The following PODXL variants were observed in gnomAD, a reference collection of about 807,000 sequenced individuals.
PODXL encodes the protein podocalyxin like, also known as podocalyxin.
PODXL carries 20 observed loss-of-function variants against 48.9 expected under a neutral mutation model. The observed-to-expected ratio is 0.41, with a 90% CI of 0.29 to 0.59. The LOEUF (loss-of-function observed/expected upper bound fraction) is 0.59. Ranked by LOEUF, PODXL falls within the 20% of genes least tolerant of loss-of-function variation. The pLI, the probability that PODXL is intolerant of heterozygous loss-of-function variation, is 0.31. For missense variants in PODXL, 606 were observed against 675.1 expected, an observed-to-expected ratio of 0.90 and a Z score of 1.13; for synonymous variants, 295 against 287.4, an observed-to-expected ratio of 1.03 and a Z score of -0.27.
intron 1 of PODXL, among the ~76,000 whole-genome samples, chr7:131,534,064 T>C (rs1798327306): frequency 7.2e-6 from 1 of 139,734 alleles, no homozygotes; most frequent in African/African-American, 2.6e-5. Context: ...CACCTCCCCT[T>C]ACCCGTTAGA....
At chr7:131,527,235 C>A (rs1798202855) in intron 1 of PODXL, among the ~76,000 whole-genome samples, 1 of 152,262 alleles carries the variant, frequency 6.6e-6, no homozygotes, top group Admixed American at 6.5e-5. Flanking sequence ...ATAGCATATT[C>A]TTCTAGAATG....
chr7:131,515,967 C>T (rs12540046), intron 1 of PODXL, among the ~76,000 whole-genome samples: 7,961 of 152,230 alleles, frequency 0.052, 303 homozygotes, highest in Non-Finnish European at 0.074. Context: ...TAGGAGAAGG[C>T]TCACACACTA....
rs748939842 is a variant in PODXL at position 131,556,355 on chromosome 7, C to A, written c.5G>T (p.Arg2Leu). M[R>L]CALALSALLL... The stretch of plus-strand genomic sequence containing the variant: ...CAGCGCCGAGAGCGCCAGCGCGCAG[C>A]GCATCGTGTCGTCGCCTCTGGGCCG... Residue 2 changes from arginine to leucine, a missense_variant, in exon 1 of 9, where the codon CGC becomes CTC. Arg to Leu is a moderately radical substitution (Grantham distance 102, BLOSUM62 -2). Transcript: ENST00000378555. 4.2e-6 allele frequency: 6 copies of A among 1,427,410 alleles called. No individual in the cohort carries two copies. Among genetic ancestry groups the A allele is most frequent in the Non-Finnish European group, 5.5e-6 (6 of 1,091,238 alleles). 88.4% of individuals were successfully genotyped at this position (1,427,410 alleles called of 1,614,324 possible). A position where few individuals can be genotyped will look rare whatever the true frequency, so the allele number is the denominator to read the frequency against.
rs139612338 is a variant in PODXL, at chr7:131,534,419, C to T, written c.100+21841G>A. ...CCTCAAGTTCTACCCTGATAATGAC[C>T]CCGCACCCCATCCTGGCGGGGCAAG... On this transcript the variant is annotated intron_variant, in intron 1 of 8. Transcript: ENST00000378555. Among the ~76,000 whole-genome samples, 636 of 152,312 alleles carry T rather than the reference C, an allele frequency of 4.2e-3. 3 individuals carry two copies. The highest frequency in any genetic ancestry group is 7.3e-3 in the Non-Finnish European group (499 of 68,026).
chr7:131,524,379 C>CAGAGAGAGAGAGAGAGAGAG (rs58163575), intron 1 of PODXL, among the ~76,000 whole-genome samples: 3,892 of 103,762 alleles, frequency 0.038, 192 homozygotes, highest in Admixed American at 0.057. Flanking sequence ...CACACACACA[C>CAGAGAGAGAGAGAGAGAGAG]AGAGAGAGAG....
intron 1 of PODXL, among the ~76,000 whole-genome samples, chr7:131,538,785 T>C (rs1215854750): frequency 1.3e-5 from 2 of 152,040 alleles, no homozygotes; most frequent in Non-Finnish European, 2.9e-5. Flanking sequence ...AAGAGAGGCG[T>C]CCCCATGCCG....
chr7:131,544,641 ACG>A lies in PODXL; in HGVS notation c.100+11617_100+11618del, dbSNP rs1798537830. 4.1e-4 allele frequency among the ~76,000 whole-genome samples: 7 copies of A among 16,968 alleles called. No individual in the cohort carries two copies. The Non-Finnish European group carries it at 4.5e-3, about 11-fold the overall frequency. 11.1% of individuals were successfully genotyped at this position (16,968 alleles called of 152,430 possible). A position where few individuals can be genotyped will look rare whatever the true frequency, so the allele number is the denominator to read the frequency against. The stretch of plus-strand genomic sequence containing the variant: ...GGGGAGGGAGCAGCAGGGCCTCCGC[ACG>A]CACGCCCTGTACTACGCACGCACGC... On this transcript the variant is annotated intron_variant, in intron 1 of 8. Transcript: ENST00000378555.
chr7:131,531,095 C>T (rs1798273831), intron 1 of PODXL, among the ~76,000 whole-genome samples: 1 of 152,120 alleles, frequency 6.6e-6, no homozygotes, highest in African/African-American at 2.4e-5. Context: ...AATTCCCTGC[C>T]CCAGCGGTCT....
At chr7:131,505,796 G>C in intron 8 of PODXL, 72 bp downstream of exon 8, 1 of 1,410,012 alleles carries the variant, frequency 7.1e-7, no homozygotes, top group South Asian at 1.4e-5. Flanking sequence ...TCTGCAACTC[G>C]GGAATCACGA....
At chr7:131,533,993 G>C (rs1021917189) in intron 1 of PODXL, among the ~76,000 whole-genome samples, 1 of 152,108 alleles carries the variant, frequency 6.6e-6, no homozygotes, top group African/African-American at 2.4e-5. Flanking sequence ...GAAAGTGCCC[G>C]ATCTATGGCA....
At chr7:131,532,830 G>A (rs1049896106) in intron 1 of PODXL, among the ~76,000 whole-genome samples, 4 of 152,154 alleles carry the variant, frequency 2.6e-5, no homozygotes, top group Admixed American at 6.5e-5. Flanking sequence ...CTTTTAGGAA[G>A]AGGAAGAGAC....
rs755032618 is a variant in PODXL at position 131,510,779 on chromosome 7, T to C, written c.706+49A>G. ...TGAGCCTTTTCAGAGCCATCACGCC[T>C]GGCCCTGAAAAGTTTCTTGGTGCTT... On this transcript the variant is annotated intron_variant, in intron 2 of 8. Coordinates refer to ENST00000378555, the MANE Select transcript of PODXL (RefSeq NM_001018111.3). The C allele has an allele frequency of 3.1e-6, 5 of 1,611,340 alleles. No individual in the cohort carries two copies. In the East Asian group the frequency reaches 8.9e-5, roughly 29 times the overall value.
intron 1 of PODXL, among the ~76,000 whole-genome samples, chr7:131,536,801 A>T (rs962279008): frequency 6.6e-6 from 1 of 152,174 alleles, no homozygotes; most frequent in Middle Eastern, 3.2e-3. Context: ...ATTTTAAAAA[A>T]TGTTTCACTA....
chr7:131,526,751 T>TC (rs1317257640), intron 1 of PODXL, among the ~76,000 whole-genome samples: 5 of 142,088 alleles, frequency 3.5e-5, no homozygotes, highest in African/African-American at 1.3e-4. Context: ...TTTTTTTTTT[T>TC]TTTTTTTTGA....
At chr7:131,552,234 A>G (rs992045494) in intron 1 of PODXL, among the ~76,000 whole-genome samples, 2 of 152,176 alleles carry the variant, frequency 1.3e-5, no homozygotes, top group African/African-American at 4.8e-5. Flanking sequence ...AGGTGGTGAT[A>G]AGTATGTTGT....
intron 1 of PODXL, among the ~76,000 whole-genome samples, chr7:131,541,973 G>C (rs1584829808): frequency 6.6e-6 from 1 of 152,312 alleles, no homozygotes; most frequent in South Asian, 2.1e-4. Flanking sequence ...TGACATCAGA[G>C]AGGGGGGACA....
At chr7:131,529,804 G>A (rs556708291) in intron 1 of PODXL, among the ~76,000 whole-genome samples, 2 of 152,180 alleles carry the variant, frequency 1.3e-5, no homozygotes, top group South Asian at 4.1e-4. Flanking sequence ...AGGTGGGCCA[G>A]AAGATTCCTA....
At chr7:131,514,541 T>C (rs1797962815) in intron 1 of PODXL, among the ~76,000 whole-genome samples, 1 of 152,060 alleles carries the variant, frequency 6.6e-6, no homozygotes, top group Admixed American at 6.6e-5. Flanking sequence ...TCTGGCAAGA[T>C]ACTAGATTGC....
At chr7:131,555,349 A>G (rs1007962833) in intron 1 of PODXL, among the ~76,000 whole-genome samples, 4 of 152,182 alleles carry the variant, frequency 2.6e-5, no homozygotes, top group Non-Finnish European at 4.4e-5. Flanking sequence ...CTAGGGGCTT[A>G]AGAACACCTG....
Sources: gnomAD v4.1 joint callset for allele counts (sites outside exome capture counted in the v4.1 genomes callset) on GRCh38, gnomAD v4.1.1 for gene constraint, MANE v1.5 for transcripts, NCBI Gene and HGNC (gene_info 2026-07-23, HGNC 2026-07-21) for gene names.